NALCN: variants seen among roughly 807,000 people sequenced by gnomAD.
NALCN encodes sodium leak channel, non-selective, also known as sodium leak channel NALCN.
Under a neutral mutation model 225.3 loss-of-function variants are expected in NALCN, and 111 were observed. The observed-to-expected ratio is 0.49, with a 90% CI of 0.42 to 0.58. NALCN has a LOEUF of 0.58. Among genes scored for constraint, NALCN ranks in the 20% least tolerant of loss-of-function variants. NALCN has a pLI of 0.00. For synonymous variants in NALCN, 764 were observed against 769.0 expected (o/e 0.99, Z 0.11); for missense variants, 1,378 against 2,202.4 (o/e 0.63, Z 7.49).
intron 6 of NALCN, among the ~76,000 whole-genome samples, chr13:101,356,734 C>A (rs759902118): frequency 4.0e-5 from 6 of 151,774 alleles, no homozygotes; most frequent in African/African-American, 7.3e-5. Context: ...ACAACAACAA[C>A]AAAAATAAAA....
chr13:101,300,363 TTTCTTTCCTTCCTTCC>T (rs2043914820), intron 7 of NALCN, among the ~76,000 whole-genome samples: 1 of 19,868 alleles, frequency 5.0e-5, no homozygotes, highest in Admixed American at 6.4e-4. Flanking sequence ...TCTTTCTTTC[TTTCTTTCCTTCCTTCC>T]TTCCTTCCTT....
Position 101,345,676 on chromosome 13 carries a change from TTCTA to T in NALCN, c.645-260_645-257del, listed in dbSNP as rs71676800. 0.14 allele frequency among the ~76,000 whole-genome samples: 17,269 copies of T among 127,502 alleles called. 1,782 individuals are homozygous for T. Among genetic ancestry groups the T allele is most frequent in the African/African-American group, 0.27 (8,270 of 31,130 alleles). The allele number at this position is 127,502 out of a possible 152,430, so 83.6% of individuals were successfully genotyped here. A position where few individuals can be genotyped will look rare whatever the true frequency, so the allele number is the denominator to read the frequency against. On this transcript the variant is annotated intron_variant, in intron 6 of 43. Transcript: ENST00000251127. ...CAAGACCTTGAGAGACCTTTGCTCT[TTCTA>T]TCTATCTATCTATCTATCTATCTAT...
intron 42 of NALCN, chr13:101,058,420 G>T: frequency 9.3e-5 from 18 of 193,058 alleles, no homozygotes; most frequent in South Asian, 1.9e-4. Context: ...GACGGGCTGG[G>T]CGGGGGCAGT....
intron 15 of NALCN, among the ~76,000 whole-genome samples, chr13:101,150,702 A>G (rs1313804866): frequency 6.6e-6 from 1 of 152,232 alleles, no homozygotes; most frequent in Non-Finnish European, 1.5e-5. Context: ...AAGATTTTGC[A>G]AGATTAAATT....
intron 13 of NALCN, among the ~76,000 whole-genome samples, chr13:101,208,181 C>A (rs2040392349): frequency 6.6e-6 from 1 of 150,672 alleles, no homozygotes; most frequent in African/African-American, 2.4e-5. Flanking sequence ...CCAGCAAGAC[C>A]ACGAACCCAC....
In NALCN at chr13:101,070,891, G is replaced by C. The variant is rs377024708; in HGVS notation, c.4198-2064C>G. Among the ~76,000 whole-genome samples, 599 of 152,302 alleles carry C rather than the reference G, an allele frequency of 3.9e-3. 3 individuals carry two copies. Among genetic ancestry groups the C allele is most frequent in the African/African-American group, 0.014 (582 of 41,560 alleles). On this transcript the variant is annotated intron_variant, in intron 37 of 43. Transcript: ENST00000251127. ...GATTTAATTGACTCACAGTTCAGCA[G>C]GGATTGGGAGGCCTCAGGAGATTTA...
intron 11 of NALCN, among the ~76,000 whole-genome samples, chr13:101,255,863 T>C (rs2042213227): frequency 6.6e-6 from 1 of 152,152 alleles, no homozygotes; most frequent in Non-Finnish European, 1.5e-5. Flanking sequence ...TGCCCATCCA[T>C]TACTCCTTGA....
chr13:101,098,450 C>A (rs978994319), intron 27 of NALCN, among the ~76,000 whole-genome samples: 9 of 152,078 alleles, frequency 5.9e-5, no homozygotes, highest in African/African-American at 2.2e-4. Flanking sequence ...GTATCCTCAG[C>A]GTTTGTTTAC....
At chr13:101,083,635 T>G in intron 31 of NALCN, 76 bp downstream of exon 31, 1 of 1,436,102 alleles carries the variant, frequency 7.0e-7, no homozygotes, top group Non-Finnish European at 9.6e-7. Context: ...ATTATTATTT[T>G]AATTTAAATC....
chr13:101,152,831 G>A (rs767431295), intron 15 of NALCN, among the ~76,000 whole-genome samples: 2 of 151,902 alleles, frequency 1.3e-5, no homozygotes, highest in Non-Finnish European at 2.9e-5. Context: ...AATTTACTGA[G>A]TCATAGAAAT....
In NALCN at chr13:101,060,083, C is replaced by G. The variant is rs553749236; in HGVS notation, c.4756-116G>C. On this transcript the variant is annotated intron_variant, in intron 41 of 43. Transcript: ENST00000251127. The stretch of plus-strand genomic sequence containing the variant: ...CTAAGACCTGCATGACGGGTGACCT[C>G]TTAGGAATTTCCAAGTAAGGATCCT... 68 of 1,162,212 alleles carry G rather than the reference C, an allele frequency of 5.9e-5. No individual in the cohort carries two copies. The South Asian group carries it at 9.1e-4, about 16-fold the overall frequency. The allele number at this position is 1,162,212 out of a possible 1,614,324, so 72.0% of individuals were successfully genotyped here.
At chr13:101,167,389 G>A (rs2038489562) in intron 15 of NALCN, among the ~76,000 whole-genome samples, 1 of 151,838 alleles carries the variant, frequency 6.6e-6, no homozygotes, top group Admixed American at 6.6e-5. Context: ...CTTACAATAG[G>A]GTTTATAAAT....
At chr13:101,357,783 C>T (rs1274585137) in intron 6 of NALCN, among the ~76,000 whole-genome samples, 2 of 152,116 alleles carry the variant, frequency 1.3e-5, no homozygotes, top group African/African-American at 2.4e-5. Context: ...TGACTTCAAA[C>T]TATACTACAA....
intron 6 of NALCN, chr13:101,373,106 G>A: frequency 2.6e-6 from 1 of 381,382 alleles, no homozygotes; most frequent in Non-Finnish European, 5.2e-6. Flanking sequence ...TCTTTGAAAA[G>A]CAAAATTTAC....
At chr13:101,171,935 A>G (rs1007615032) in intron 15 of NALCN, among the ~76,000 whole-genome samples, 2 of 152,248 alleles carry the variant, frequency 1.3e-5, no homozygotes, top group African/African-American at 4.8e-5. Flanking sequence ...TATAGTATTA[A>G]GGAAACAGTG....
intron 7 of NALCN, among the ~76,000 whole-genome samples, chr13:101,341,369 T>G (rs2045554668): frequency 6.6e-6 from 1 of 152,244 alleles, no homozygotes; most frequent in Non-Finnish European, 1.5e-5. Flanking sequence ...AGTTCCATAT[T>G]GACATGAAGT....
intron 7 of NALCN, among the ~76,000 whole-genome samples, chr13:101,319,561 G>A (rs1477293952): frequency 6.6e-6 from 1 of 152,034 alleles, no homozygotes; most frequent in South Asian, 2.1e-4. Flanking sequence ...TAGAAGATAC[G>A]TAAACCATGA....
At chr13:101,276,464 T>C (rs1423675241) in intron 10 of NALCN, among the ~76,000 whole-genome samples, 2 of 152,222 alleles carry the variant, frequency 1.3e-5, no homozygotes, top group Non-Finnish European at 2.9e-5. Context: ...CTAGTCCTCC[T>C]GCTCCAAACT....
At chr13:101,080,591 AATT>A (rs1413747583) in intron 34 of NALCN, among the ~76,000 whole-genome samples, 3 of 136,830 alleles carry the variant, frequency 2.2e-5, no homozygotes, top group African/African-American at 5.1e-5. Context: ...ATAATTAAAT[AATT>A]ATTAAATTAA....
Sources: gnomAD v4.1 joint callset for allele counts (sites outside exome capture counted in the v4.1 genomes callset) on GRCh38, gnomAD v4.1.1 for gene constraint, MANE v1.5 for transcripts, NCBI Gene and HGNC (gene_info 2026-07-23, HGNC 2026-07-21) for gene names.